Variants in STS observed in about 807,000 individuals in gnomAD.
The protein encoded by STS is steroid sulfatase.
Under a neutral mutation model 26.8 loss-of-function variants are expected in STS, and 7 were observed. The observed-to-expected ratio is 0.26, with a 90% confidence interval of 0.15 to 0.49. The LOEUF (loss-of-function observed/expected upper bound fraction) is 0.49. STS is among the 20% of genes least tolerant of loss of function. The probability of loss-of-function intolerance (pLI) is 0.98; values close to 1 mark genes in which losing one functional copy is unlikely to be tolerated. For synonymous variants in STS, 199 were observed against 189.4 expected, an observed-to-expected ratio of 1.05 and a Z score of -0.42; for missense variants, 434 against 465.6, an observed-to-expected ratio of 0.93 and a Z score of 0.63.
rs146478290 is a variant in STS at position 7,237,369 on chromosome X, C to G, written c.-4-15827C>G. On this transcript the variant is annotated intron_variant, in intron 2 of 10. Transcript: ENST00000674429. Reference sequence around the variant, plus strand: ...TTCACCATGTTAACCAGGCTGGTCTCGAACTCCTGGCCTCAAGTGATCCAC... The same window carrying G: ...TTCACCATGTTAACCAGGCTGGTCTGGAACTCCTGGCCTCAAGTGATCCAC... 9.1e-3 allele frequency among the ~76,000 whole-genome samples: 1,010 copies of G among 111,162 alleles called. 6 individuals carry two copies. The highest frequency in any genetic ancestry group is 0.016 in the Non-Finnish European group (835 of 53,033).
intron 2 of STS, among the ~76,000 whole-genome samples, chrX:7,232,345 G>A (rs943049582): frequency 5.4e-5 from 6 of 112,015 alleles, no homozygotes; most frequent in African/African-American, 9.7e-5. Context: ...GTGCATTAGC[G>A]TTAGCAAAAG....
At chrX:7,151,717 C>T (rs1933015830) in intron 1 of STS, among the ~76,000 whole-genome samples, 1 of 110,880 alleles carries the variant, frequency 9.0e-6, no homozygotes, top group Non-Finnish European at 1.9e-5. Flanking sequence ...GCGAGAGGTC[C>T]AGTTTGCTTC....
At chrX:7,349,276 T>A (rs1365599362) in intron 10 of STS, among the ~76,000 whole-genome samples, 1 of 96,777 alleles carries the variant, frequency 1.0e-5, no homozygotes, top group Non-Finnish European at 2.1e-5. Flanking sequence ...AGTGCTGATA[T>A]TACAAGCATG....
At chrX:7,161,388 A>G (rs1399205766) in intron 1 of STS, among the ~76,000 whole-genome samples, 1 of 112,212 alleles carries the variant, frequency 8.9e-6, no homozygotes, top group Non-Finnish European at 1.9e-5. Context: ...TAACTGAAGA[A>G]TGGGTATGTA....
chrX:7,278,643 C>T (rs765135871), intron 7 of STS, among the ~76,000 whole-genome samples: 10 of 112,199 alleles, frequency 8.9e-5, no homozygotes, highest in Non-Finnish European at 1.5e-4. Context: ...GAAAGACTGA[C>T]TTCATACAGA....
intron 8 of STS, 47 bp from the exon 9 acceptor site, chrX:7,325,292 G>C: frequency 1.7e-6 from 2 of 1,190,036 alleles, no homozygotes; most frequent in South Asian, 1.8e-5. Flanking sequence ...AGCATTGAAA[G>C]GATTGAAATC....
intron 1 of STS, among the ~76,000 whole-genome samples, chrX:7,162,422 AC>A (rs1933263007): frequency 9.0e-6 from 1 of 111,593 alleles, no homozygotes; most frequent in Non-Finnish European, 1.9e-5. Flanking sequence ...TAGGAGAAGC[AC>A]CTTCAACTGT....
chrX:7,289,124 C>A, intron 7 of STS, among the ~76,000 whole-genome samples: 1 of 111,760 alleles, frequency 8.9e-6, no homozygotes. Flanking sequence ...ACTGCTAGAG[C>A]TGTCAAGAGC....
chrX:7,283,694 G>T (rs1363660946), intron 7 of STS, among the ~76,000 whole-genome samples: 1 of 110,844 alleles, frequency 9.0e-6, no homozygotes, highest in Non-Finnish European at 1.9e-5. Context: ...CTAGCAGGGA[G>T]TGTCACAAAA....
rs748041421 is a variant in STS at position 7,275,929 on chromosome X, CTTT to C, written c.807-7_807-5del. On this transcript the variant is annotated intron_variant, in intron 6 of 10. Transcript: ENST00000674429. ...TTATCTGTGGTCTTTTTTTTCCTCC[CTTT>C]TTTTTTTTTTTTTTGCAGGAACACT... 1.8e-3 allele frequency: 1,932 copies of C among 1,049,072 alleles called. No individual in the cohort carries two copies. Among genetic ancestry groups the C allele is most frequent in the East Asian group, 3.5e-3 (98 of 28,262 alleles). 86.5% of individuals were successfully genotyped at this position (1,049,072 alleles called of 1,213,427 possible).
intron 8 of STS, among the ~76,000 whole-genome samples, chrX:7,315,199 T>A (rs1328723414): frequency 1.8e-5 from 2 of 112,356 alleles, no homozygotes; most frequent in African/African-American, 6.5e-5. Context: ...ATTACTTTAG[T>A]TGATTTAACA....
intron 1 of STS, among the ~76,000 whole-genome samples, chrX:7,152,591 G>A (rs192359792): frequency 3.5e-5 from 4 of 112,919 alleles, no homozygotes; most frequent in East Asian, 2.8e-4. Flanking sequence ...AGTGCTGGAA[G>A]TACAGGCAGG....
intron 2 of STS, among the ~76,000 whole-genome samples, chrX:7,195,608 C>T (rs948594016): frequency 8.0e-5 from 9 of 112,468 alleles, no homozygotes; most frequent in Admixed American, 9.4e-5. Flanking sequence ...AACACTCCAG[C>T]CAAACACTTA....
chrX:7,324,024 C>T (rs1018530719), intron 8 of STS, among the ~76,000 whole-genome samples: 3 of 112,056 alleles, frequency 2.7e-5, no homozygotes, highest in Admixed American at 9.5e-5. Flanking sequence ...CAAGTTGACA[C>T]AGCCCCGGGA....
intron 2 of STS, among the ~76,000 whole-genome samples, chrX:7,215,941 A>C (rs1388866703): frequency 8.9e-6 from 1 of 111,885 alleles, no homozygotes; most frequent in Non-Finnish European, 1.9e-5. Context: ...TGCTGGGACC[A>C]TGTGACCAAT....
chrX:7,189,823 A>G (rs1411032205), intron 1 of STS, among the ~76,000 whole-genome samples: 1 of 111,229 alleles, frequency 9.0e-6, no homozygotes, highest in Non-Finnish European at 1.9e-5. Flanking sequence ...TATCTGGGGG[A>G]AAAGAGGTGC....
intron 3 of STS, 94 bp downstream of exon 3, chrX:7,253,430 T>C: frequency 8.8e-7 from 1 of 1,134,992 alleles, no homozygotes; most frequent in Non-Finnish European, 1.2e-6. Flanking sequence ...ACAGAACATG[T>C]AGAAACGTTC....
At chrX:7,248,258 A>C (rs1390857190) in intron 2 of STS, among the ~76,000 whole-genome samples, 1 of 112,154 alleles carries the variant, frequency 8.9e-6, no homozygotes, top group Non-Finnish European at 1.9e-5. Context: ...ACAGATTAAC[A>C]CAACAGTGTA....
chrX:7,335,179 C>G (rs1927954334), intron 10 of STS, among the ~76,000 whole-genome samples: 1 of 112,223 alleles, frequency 8.9e-6, no homozygotes, highest in African/African-American at 3.2e-5. Flanking sequence ...TGAGGAATCG[C>G]CACACTGTCT....
Sources: allele counts gnomAD v4.1 joint callset (sites outside exome capture counted in the v4.1 genomes callset), GRCh38; gene constraint gnomAD v4.1.1; transcripts MANE v1.5; gene names NCBI Gene and HGNC (gene_info 2026-07-23, HGNC 2026-07-21).